The following WDR20 variants were observed in gnomAD, a reference collection of about 807,000 sequenced individuals.
WDR20 encodes WD repeat-containing protein 20.
Under a neutral mutation model 38.7 loss-of-function variants are expected in WDR20, and 3 were observed. The observed-to-expected ratio is 0.08, with a 90% CI of 0.04 to 0.20. The LOEUF is 0.20. Ranked by LOEUF, WDR20 falls within the 10% of genes least tolerant of loss-of-function variation. The pLI is 1.00. For missense variants in WDR20, 559 were observed against 727.7 expected (o/e 0.77, Z 2.67); for synonymous variants, 298 against 285.6 (o/e 1.04, Z -0.44).
At chr14:102,182,774 G>A (rs948181151) in intron 1 of WDR20, among the ~76,000 whole-genome samples, 6 of 151,748 alleles carry the variant, frequency 4.0e-5, no homozygotes, top group African/African-American at 1.2e-4. Flanking sequence ...CTCTTTTAAT[G>A]GTAGACACTT....
At chr14:102,179,095 T>G (rs2062804477) in intron 1 of WDR20, 1 of 152,164 alleles carries the variant, frequency 6.6e-6, no homozygotes, top group Non-Finnish European at 1.5e-5. Context: ...TGTGCCTGTG[T>G]GGCTGTCATG....
chr14:102,218,439 G>A (rs1010009433), downstream of WDR20, among the ~76,000 whole-genome samples: 12 of 152,208 alleles, frequency 7.9e-5, no homozygotes, highest in African/African-American at 2.9e-4. Context: ...TTTCTCTGAC[G>A]TGGCCTGTGG....
chr14:102,149,982 C>T (rs1010918148), intron 1 of WDR20, among the ~76,000 whole-genome samples: 9 of 152,116 alleles, frequency 5.9e-5, no homozygotes, highest in African/African-American at 7.2e-5. Flanking sequence ...CATGAGCCAC[C>T]GCACCCAGAC....
At chr14:102,165,206 T>C (rs907264988) in intron 1 of WDR20, among the ~76,000 whole-genome samples, 1 of 152,092 alleles carries the variant, frequency 6.6e-6, no homozygotes, top group Non-Finnish European at 1.5e-5. Context: ...GAACTGTGGC[T>C]CTCCCTCCTC....
At chr14:102,195,520 C>G (rs1349156513) in intron 2 of WDR20, among the ~76,000 whole-genome samples, 3 of 152,156 alleles carry the variant, frequency 2.0e-5, no homozygotes, top group African/African-American at 7.2e-5. Flanking sequence ...AAATTGTAGC[C>G]AAAGCTTTTG....
At chr14:102,193,507 T>C (rs1277241280) in intron 1 of WDR20, 3 of 1,613,472 alleles carry the variant, frequency 1.9e-6, no homozygotes, top group Non-Finnish European at 8.5e-7. Flanking sequence ...ATCTCCGTTT[T>C]AACTGAGGTG....
At chr14:102,147,483 C>T (rs1186637812) in intron 1 of WDR20, among the ~76,000 whole-genome samples, 1 of 152,190 alleles carries the variant, frequency 6.6e-6, no homozygotes. Flanking sequence ...GCCATTCTTT[C>T]AGCAAATATT....
chr14:102,179,739 C>T (rs555085268), intron 1 of WDR20, among the ~76,000 whole-genome samples: 5 of 152,202 alleles, frequency 3.3e-5, no homozygotes, highest in African/African-American at 9.6e-5. Context: ...CAACAGGTGG[C>T]TAAATATTAA....
intron 1 of WDR20, among the ~76,000 whole-genome samples, chr14:102,143,718 T>A (rs1220215250): frequency 6.6e-6 from 1 of 151,898 alleles, no homozygotes; most frequent in Non-Finnish European, 1.5e-5. Flanking sequence ...CTAATTTTTG[T>A]ATTTTTGGTA....
intron 1 of WDR20, among the ~76,000 whole-genome samples, chr14:102,162,783 G>C (rs982158729): frequency 6.6e-6 from 1 of 151,900 alleles, no homozygotes; most frequent in Non-Finnish European, 1.5e-5. Flanking sequence ...GCTAATTTTT[G>C]TGTTTTTTTG....
chr14:102,167,754 C>T (rs930390672), intron 1 of WDR20: 1 of 152,196 alleles, frequency 6.6e-6, no homozygotes, highest in Non-Finnish European at 1.5e-5. Flanking sequence ...TGTAATGTCT[C>T]TTTACTCCCT....
In WDR20 at chr14:102,222,926, G is replaced by A. The variant is rs371961127; in HGVS notation, c.*43G>A. On this transcript the variant is annotated 3_prime_UTR_variant, in exon 4 of 4. Coordinates refer to the WDR20 transcript ENST00000335263. The surrounding 1 kb of genome is among the most constrained non-coding windows in gnomAD (Gnocchi z 4.4). ...GCACAGTCTCCCGGGACTTGGACTC[G>A]AGGGAGTGACGAGGAGGAGCTCCGA... 7.4e-6 allele frequency: 12 copies of A among 1,612,184 alleles called. No individual in the cohort carries two copies. Among genetic ancestry groups the A allele is most frequent in the Middle Eastern group, 1.7e-4 (1 of 5,930 alleles).
chr14:102,195,602 C>A (rs2152950208), intron 2 of WDR20, among the ~76,000 whole-genome samples: 1 of 152,316 alleles, frequency 6.6e-6, no homozygotes, highest in African/African-American at 2.4e-5. Context: ...GTAAACTCAT[C>A]TTTGACATAG....
chr14:102,190,964 G>C (rs927312824), intron 1 of WDR20, among the ~76,000 whole-genome samples: 1 of 150,606 alleles, frequency 6.6e-6, no homozygotes, highest in Admixed American at 6.6e-5. Flanking sequence ...TCATGCCAGT[G>C]CACTGTAGCC....
chr14:102,218,683 G>A (rs910642068), downstream of WDR20, among the ~76,000 whole-genome samples: 1 of 151,890 alleles, frequency 6.6e-6, no homozygotes, highest in African/African-American at 2.4e-5. Context: ...TCTCTAGCGG[G>A]AATAAAACAG....
At chr14:102,183,111 T>C in intron 1 of WDR20, among the ~76,000 whole-genome samples, 1 of 152,180 alleles carries the variant, frequency 6.6e-6, no homozygotes, top group East Asian at 1.9e-4. Context: ...TTTTTTAGGT[T>C]ATTTGAGGAT....
chr14:102,143,228 ATAT>A (rs2052140803), intron 1 of WDR20, among the ~76,000 whole-genome samples: 1 of 152,180 alleles, frequency 6.6e-6, no homozygotes, highest in Non-Finnish European at 1.5e-5. Context: ...GATCACAGGG[ATAT>A]TATATACTCC....
At chr14:102,182,604 T>G (rs1352126994) in intron 1 of WDR20, among the ~76,000 whole-genome samples, 1 of 152,198 alleles carries the variant, frequency 6.6e-6, no homozygotes, top group Non-Finnish European at 1.5e-5. Flanking sequence ...TCACAGATTT[T>G]TCTGTGACCC....
intron 1 of WDR20, among the ~76,000 whole-genome samples, chr14:102,175,683 G>T (rs943189600): frequency 1.3e-5 from 2 of 152,170 alleles, no homozygotes; most frequent in African/African-American, 4.8e-5. Flanking sequence ...CGCATCCATG[G>T]CATGGGATGT....
Sources: gnomAD v4.1 joint callset for allele counts (sites outside exome capture counted in the v4.1 genomes callset) on GRCh38, gnomAD v4.1.1 for gene constraint, Gnocchi (gnomAD v3.1) non-coding constraint, MANE v1.5 for transcripts, NCBI Gene and HGNC (gene_info 2026-07-23, HGNC 2026-07-21) for gene names.